CD28: variants seen among roughly 807,000 people sequenced by gnomAD.
CD28 encodes CD28 molecule.
CD28 carries 8 observed loss-of-function variants against 21.4 expected under a neutral mutation model. The observed-to-expected ratio is 0.37, with a 90% CI of 0.22 to 0.68. The LOEUF is 0.68. CD28 is among the 30% of genes least tolerant of loss of function. The probability of loss-of-function intolerance (pLI) is 0.55; values close to 1 mark genes in which losing one functional copy is unlikely to be tolerated. For synonymous variants in CD28, 106 were observed against 104.0 expected (o/e 1.02, Z -0.12); for missense variants, 239 against 272.2 (o/e 0.88, Z 0.86).
At position 203,731,812 on chromosome 2, in the gene CD28, A is replaced by T. The variant is rs1004610293; in HGVS notation, c.534+2040A>T. 2.6e-5 allele frequency among the ~76,000 whole-genome samples: 4 copies of T among 152,128 alleles called. No homozygotes were observed. The East Asian group carries it at 5.8e-4, about 22-fold the overall frequency. ...AGTGAGATTCATCTTGCTTTGTTTT[A>T]AAAAAATTTTATTTTTGTTTTACTT... On this transcript the variant is annotated intron_variant, in intron 3 of 3. Transcript: ENST00000324106.
At position 203,734,903 on chromosome 2, in the gene CD28, T is replaced by A. The variant is rs370228563; in HGVS notation, c.654T>A (p.Tyr218Ter). Residue 218 changes from tyrosine (Y) to a stop codon, truncating the protein, a stop_gained, in exon 4 of 4, where the codon TAT (tyrosine) becomes TAA (stop). Coordinates refer to ENST00000324106, the MANE Select transcript of CD28 (RefSeq NM_006139.4). LOFTEE classifies it high-confidence loss of function. Reference sequence around the variant, plus strand: ...CCCCACCACGCGACTTCGCAGCCTATCGCTCCTGACACGGACGCCTATCCA... The same window carrying A: ...CCCCACCACGCGACTTCGCAGCCTAACGCTCCTGACACGGACGCCTATCCA... ...PYAPPRDFAAYRS is the reference protein window; with the variant it reads ...PYAPPRDFAA The A allele has an allele frequency of 6.2e-7, 1 of 1,614,020 alleles. No individual in the cohort carries two copies.
At chr2:203,719,599 C>G in intron 1 of CD28, among the ~76,000 whole-genome samples, 1 of 152,172 alleles carries the variant, frequency 6.6e-6, no homozygotes, top group East Asian at 1.9e-4. Flanking sequence ...TCAAGGATCA[C>G]TTATGTTTCC....
At chr2:203,716,519 G>A (rs547206027) in intron 1 of CD28, among the ~76,000 whole-genome samples, 3 of 152,264 alleles carry the variant, frequency 2.0e-5, no homozygotes, top group Admixed American at 1.3e-4. Flanking sequence ...CGCTGTCACA[G>A]CAGAAGTCAG....
At chr2:203,712,079 C>T (rs899394672) in intron 1 of CD28, among the ~76,000 whole-genome samples, 2 of 152,000 alleles carry the variant, frequency 1.3e-5, no homozygotes, top group African/African-American at 4.8e-5. Context: ...GTAGTCCCAG[C>T]TACTGGGGAG....
At chr2:203,731,192 A>G (rs983116896) in intron 3 of CD28, among the ~76,000 whole-genome samples, 1 of 152,206 alleles carries the variant, frequency 6.6e-6, no homozygotes, top group African/African-American at 2.4e-5. Context: ...AAGTTGCCCA[A>G]CCCTGAAGGT....
At chr2:203,733,742 A>G (rs912854434) in intron 3 of CD28, among the ~76,000 whole-genome samples, 3 of 152,242 alleles carry the variant, frequency 2.0e-5, no homozygotes, top group African/African-American at 2.4e-5. Flanking sequence ...AGAGTTATCA[A>G]TAGTATAGAA....
At chr2:203,717,282 G>A (rs891225695) in intron 1 of CD28, among the ~76,000 whole-genome samples, 33 of 152,130 alleles carry the variant, frequency 2.2e-4, no homozygotes, top group African/African-American at 8.0e-4. Context: ...AATGTGCTTG[G>A]TATAACTGAT....
Position 203,734,977 on chromosome 2 carries a change from A to T in CD28, c.*65A>T. ...CATCTGCTCAATATCACTGCTCTGG[A>T]TAGGAAATGACCGCCATCTCCAGCC... On this transcript the variant is annotated 3_prime_UTR_variant, in exon 4 of 4. Transcript: ENST00000324106. 2 of 1,563,026 alleles carry T rather than the reference A, an allele frequency of 1.3e-6. No homozygotes were observed. Among genetic ancestry groups the T allele is most frequent in the Non-Finnish European group, 1.7e-6 (2 of 1,153,134 alleles).
At chr2:203,712,200 C>CAAAA (rs3835894) in intron 1 of CD28, among the ~76,000 whole-genome samples, 1 of 150,894 alleles carries the variant, frequency 6.6e-6, no homozygotes, top group South Asian at 2.1e-4. Flanking sequence ...TCAACAACAA[C>CAAAA]AAAAAAAAGA....
At chr2:203,714,400 T>G (rs770596251) in intron 1 of CD28, among the ~76,000 whole-genome samples, 63 of 152,140 alleles carry the variant, frequency 4.1e-4, no homozygotes, top group Non-Finnish European at 7.1e-4. Flanking sequence ...TAGTTTCCAG[T>G]CAGGGATGTT....
At chr2:203,725,925 T>C (rs1165690034) in intron 1 of CD28, among the ~76,000 whole-genome samples, 2 of 152,196 alleles carry the variant, frequency 1.3e-5, no homozygotes, top group African/African-American at 4.8e-5. Context: ...AATCTATTTG[T>C]AGGTTGGGCA....
intron 1 of CD28, among the ~76,000 whole-genome samples, chr2:203,719,431 C>A (rs1393732246): frequency 1.3e-5 from 2 of 152,208 alleles, no homozygotes; most frequent in Non-Finnish European, 2.9e-5. Flanking sequence ...GTAATCTCCT[C>A]CCTAACCCTC....
chr2:203,710,400 G>A (rs1693281328), intron 1 of CD28, among the ~76,000 whole-genome samples: 1 of 152,196 alleles, frequency 6.6e-6, no homozygotes, highest in South Asian at 2.1e-4. Flanking sequence ...CCAGGAAATG[G>A]AATGAGTCAT....
chr2:203,730,871 C>T (rs545412394), intron 3 of CD28, among the ~76,000 whole-genome samples: 1 of 152,274 alleles, frequency 6.6e-6, no homozygotes, highest in South Asian at 2.1e-4. Flanking sequence ...AAAGCCATAT[C>T]ATATGAAGTC....
rs1694038457 is a variant in CD28 at position 203,736,431 on chromosome 2, C to CTCCTAACAT, written c.*1522_*1523insTAACATTCC. 2.0e-5 allele frequency: 3 copies of CTCCTAACAT among 152,568 alleles called. No individual in the cohort carries two copies. The highest frequency in any genetic ancestry group is 1.3e-4 in the Admixed American group (2 of 15,280). 9.5% of individuals were successfully genotyped at this position (152,568 alleles called of 1,614,324 possible). ...ACTTTATGTGGTTTAGGGCTCAGAG[C>CTCCTAACAT]TCCAAAACTCTGGGCTCAGCTGCTC... On this transcript the variant is annotated 3_prime_UTR_variant, in exon 4 of 4. Transcript: ENST00000324106.
chr2:203,713,856 A>AGAGG (rs1559550887), intron 1 of CD28, among the ~76,000 whole-genome samples: 1 of 38,904 alleles, frequency 2.6e-5, no homozygotes, highest in Admixed American at 2.5e-4. Context: ...AGAGAGGGAG[A>AGAGG]GAGAGAGAGA....
intron 1 of CD28, among the ~76,000 whole-genome samples, chr2:203,709,109 CAAA>C (rs34357514): frequency 7.2e-6 from 1 of 138,212 alleles, no homozygotes; most frequent in African/African-American, 2.7e-5. Flanking sequence ...GAAACAGTCT[CAAA>C]AAAAAAAAAA....
In CD28 at chr2:203,726,618, T is replaced by A. The variant is rs1459735553; in HGVS notation, c.53-15T>A. 1.3e-6 allele frequency: 2 copies of A among 1,576,936 alleles called. No homozygotes were observed. Among genetic ancestry groups the A allele is most frequent in the Non-Finnish European group, 1.7e-6 (2 of 1,157,590 alleles). On this transcript the variant is annotated splice_polypyrimidine_tract_variant and intron_variant, in intron 1 of 3. Coordinates refer to ENST00000324106, the MANE Select transcript of CD28 (RefSeq NM_006139.4). ...TATATTCTTGTTCTAAGCAAATGAT[T>A]TTTTTTTCCCCCAGGAAACAAGATT...
At chr2:203,720,534 G>A (rs777604326) in intron 1 of CD28, among the ~76,000 whole-genome samples, 10 of 152,340 alleles carry the variant, frequency 6.6e-5, no homozygotes, top group Admixed American at 6.5e-5. Context: ...CTCCTAGCAT[G>A]AACTGGAAAG....
Sources: allele counts gnomAD v4.1 joint callset (sites outside exome capture counted in the v4.1 genomes callset), GRCh38; gene constraint gnomAD v4.1.1; transcripts MANE v1.5; gene names NCBI Gene and HGNC (gene_info 2026-07-23, HGNC 2026-07-21).